Variants in SNX4 observed in about 807,000 individuals in gnomAD.
SNX4 encodes sorting nexin 4.
SNX4 carries 49 observed loss-of-function variants against 70.8 expected under a neutral mutation model. The ratio of observed to expected loss-of-function variants is 0.69; its 90% confidence interval spans 0.55 to 0.88. The LOEUF is 0.88. Among genes scored for constraint, SNX4 ranks in the 40% least tolerant of loss-of-function variants. SNX4 has a pLI of 0.00. For missense variants in SNX4, 528 were observed against 544.8 expected (o/e 0.97, Z 0.31); for synonymous variants, 206 against 183.8 (o/e 1.12, Z -0.98).
intron 7 of SNX4, among the ~76,000 whole-genome samples, chr3:125,478,290 A>G (rs1355113430): frequency 2.0e-5 from 3 of 151,828 alleles, no homozygotes; most frequent in Admixed American, 2.0e-4. Flanking sequence ...GGCTGGTCTC[A>G]AACTCCTGAC....
At chr3:125,497,249 T>C in intron 5 of SNX4, 92 bp downstream of exon 5, 2 of 700,500 alleles carry the variant, frequency 2.9e-6, no homozygotes, top group Non-Finnish European at 4.8e-6. Flanking sequence ...CCAACATTCA[T>C]TTATTCAATA....
chr3:125,504,735 T>A lies in SNX4; in HGVS notation c.151A>T (p.Asn51Tyr). The A allele has an allele frequency of 6.2e-7, 1 of 1,613,446 alleles. No individual in the cohort carries two copies. The change falls in exon 2 of 14, where the codon AAT becomes TAT. Residue 51 changes from asparagine to tyrosine, a missense_variant. Asn to Tyr is a moderately radical substitution (Grantham distance 143). Around this residue, in one of 3 missense-constraint regions of SNX4, gnomAD observed 341 missense variants for 312.2 expected, o/e 1.09. Coordinates refer to ENST00000251775, the MANE Select transcript of SNX4 (RefSeq NM_003794.4). ...ESSGVDTMTH[N>Y]NFWLKKIEIS... The stretch of plus-strand genomic sequence containing the variant: ...TCTATCTTCTTCAACCAAAAATTAT[T>A]GTGTGTCATCTGGACAAAAGTAAAT...
chr3:125,460,047 A>G (rs998920498), intron 10 of SNX4, among the ~76,000 whole-genome samples: 3 of 151,956 alleles, frequency 2.0e-5, no homozygotes, highest in Non-Finnish European at 2.9e-5. Context: ...TACAAAAATT[A>G]GCTGGGTGTG....
At chr3:125,470,019 A>G (rs1025763951) in intron 8 of SNX4, among the ~76,000 whole-genome samples, 2 of 152,184 alleles carry the variant, frequency 1.3e-5, no homozygotes, top group African/African-American at 4.8e-5. Context: ...TAATAATAAT[A>G]ATCATATTAC....
At chr3:125,516,316 TCTTAGAGAATGAATTCC>T (rs1233179528) in intron 1 of SNX4, among the ~76,000 whole-genome samples, 1 of 152,208 alleles carries the variant, frequency 6.6e-6, no homozygotes, top group Non-Finnish European at 1.5e-5. Flanking sequence ...ATTACTACTT[TCTTAGAGAATGAATTCC>T]CTTCTCATAT....
intron 2 of SNX4, 32 bp downstream of exon 2, chr3:125,504,591 C>G (rs886440087): frequency 5.0e-6 from 8 of 1,595,598 alleles, no homozygotes; most frequent in Admixed American, 1.7e-5. Flanking sequence ...AGCTTTCTGT[C>G]TACCTGCCCA....
intron 5 of SNX4, among the ~76,000 whole-genome samples, chr3:125,491,604 C>T (rs1934660600): frequency 6.6e-6 from 1 of 152,180 alleles, no homozygotes; most frequent in African/African-American, 2.4e-5. Context: ...AGGAAGCTGA[C>T]TAAAATGTCA....
intron 9 of SNX4, among the ~76,000 whole-genome samples, chr3:125,467,529 C>A (rs1312755407): frequency 6.6e-6 from 1 of 151,930 alleles, no homozygotes; most frequent in Non-Finnish European, 1.5e-5. Context: ...AAATCAAAAC[C>A]ACAATGAGAT....
At position 125,476,682 on chromosome 3, in the gene SNX4, G is replaced by C. The variant is rs777192369; in HGVS notation, c.788+13C>G. ...TTAAAGCTAATTATTTTTAAAGTTTGTATGATGCTTACCTGAAAACTCGAC... is the reference window on the plus strand; with the variant it reads ...TTAAAGCTAATTATTTTTAAAGTTTCTATGATGCTTACCTGAAAACTCGAC... On this transcript the variant is annotated intron_variant, in intron 8 of 13. Coordinates refer to ENST00000251775, the MANE Select transcript of SNX4 (RefSeq NM_003794.4). The C allele has an allele frequency of 2.6e-6, 4 of 1,528,736 alleles. No individual in the cohort carries two copies. Among genetic ancestry groups the C allele is most frequent in the Non-Finnish European group, 3.6e-6 (4 of 1,106,138 alleles). The allele number at this position is 1,528,736 out of a possible 1,614,324, so 94.7% of individuals were successfully genotyped here. A position where few individuals can be genotyped will look rare whatever the true frequency, so the allele number is the denominator to read the frequency against.
rs138982289 is a variant in SNX4, at chr3:125,498,148, A to C, written c.310T>G (p.Trp104Gly). 1.2e-6 allele frequency: 2 copies of C among 1,614,050 alleles called. No individual in the cohort carries two copies. Among genetic ancestry groups the C allele is most frequent in the African/African-American group, 2.7e-5 (2 of 74,938 alleles). Residue 104 changes from tryptophan to glycine, a missense_variant, in exon 3 of 14, where the codon TGG (tryptophan) becomes GGG (glycine). Coordinates refer to ENST00000251775, the MANE Select transcript of SNX4 (RefSeq NM_003794.4). ...DGQSVLTDSL[W>G]RRYSEFELLR... The stretch of plus-strand genomic sequence containing the variant: ...AACTCAAATTCACTATATCGCCGCC[A>C]TAGTGAGTCTGTTAGGACACTCTGA...
chr3:125,479,122 G>A (rs761433096), intron 7 of SNX4, among the ~76,000 whole-genome samples: 1 of 152,038 alleles, frequency 6.6e-6, no homozygotes, highest in Non-Finnish European at 1.5e-5. Flanking sequence ...TAGAACAGAA[G>A]GATATACCTC....
intron 12 of SNX4, among the ~76,000 whole-genome samples, chr3:125,451,734 C>A (rs1027057428): frequency 6.6e-6 from 1 of 151,708 alleles, no homozygotes; most frequent in Non-Finnish European, 1.5e-5. Flanking sequence ...TTGAGCAATT[C>A]TCCTGCCTTA....
intron 6 of SNX4, among the ~76,000 whole-genome samples, chr3:125,480,993 C>T (rs904828134): frequency 2.0e-5 from 3 of 152,112 alleles, no homozygotes; most frequent in African/African-American, 7.2e-5. Flanking sequence ...TATCAATTAA[C>T]TCAGGTCTCT....
chr3:125,504,910 T>C (rs907942836), intron 1 of SNX4, among the ~76,000 whole-genome samples, 166 bp from the exon 2 acceptor site: 2 of 152,228 alleles, frequency 1.3e-5, no homozygotes, highest in Non-Finnish European at 2.9e-5. Context: ...CAGCAAATGA[T>C]AGCCTGTCAA....
At chr3:125,487,376 T>C (rs1934553846) in intron 6 of SNX4, among the ~76,000 whole-genome samples, 1 of 152,096 alleles carries the variant, frequency 6.6e-6, no homozygotes. Context: ...ACAATATGGA[T>C]AGTAAATAAA....
chr3:125,449,587 T>C (rs968655371), intron 13 of SNX4, among the ~76,000 whole-genome samples: 6 of 152,286 alleles, frequency 3.9e-5, no homozygotes, highest in African/African-American at 1.2e-4. Flanking sequence ...CAAAATTGCA[T>C]AGTACCATTC....
Position 125,507,717 on chromosome 3 carries a change from T to G in SNX4, c.142-2973A>C, listed in dbSNP as rs72977778. Among the ~76,000 whole-genome samples the G allele has an allele frequency of 3.9e-5, 6 of 152,148 alleles. No individual in the cohort carries two copies. The East Asian group carries it at 1.2e-3, about 29-fold the overall frequency. On this transcript the variant is annotated intron_variant, in intron 1 of 13. Transcript: ENST00000251775. Reference sequence around the variant, plus strand: ...GAGGCCAGAAGACAGGGAGCTGATATCTTCAAAGTGCTAAAAAATAAAAAT... The same window carrying G: ...GAGGCCAGAAGACAGGGAGCTGATAGCTTCAAAGTGCTAAAAAATAAAAAT...
chr3:125,497,833 C>T lies in SNX4; in HGVS notation c.549+1G>A. The T allele has an allele frequency of 6.3e-7, 1 of 1,575,304 alleles. No individual in the cohort carries two copies. Among genetic ancestry groups the T allele is most frequent in the Non-Finnish European group, 8.6e-7 (1 of 1,165,560 alleles). On this transcript the variant is annotated splice_donor_variant, in intron 4 of 13. Coordinates refer to ENST00000251775, the MANE Select transcript of SNX4 (RefSeq NM_003794.4). LOFTEE classifies it high-confidence loss of function. ...ACTAAGACTAAATAAAAGAAAAATA[C>T]CTGTGTTAAAAACAGATAGAAGATT...
chr3:125,497,304 T>C (rs780520159), intron 5 of SNX4, 37 bp downstream of exon 5: 24 of 1,461,284 alleles, frequency 1.6e-5, no homozygotes, highest in Non-Finnish European at 2.3e-5. Context: ...CTGGGAACTG[T>C]AAAGGAACAT....
Sources: allele counts gnomAD v4.1 joint callset (sites outside exome capture counted in the v4.1 genomes callset), GRCh38; gene constraint gnomAD v4.1.1; regional missense constraint gnomAD v4.1.1; transcripts MANE v1.5; gene names NCBI Gene and HGNC (gene_info 2026-07-23, HGNC 2026-07-21).